ASPH: variants seen among roughly 807,000 people sequenced by gnomAD.
The protein encoded by ASPH is aspartyl/asparaginyl beta-hydroxylase.
Under a neutral mutation model 118.4 loss-of-function variants are expected in ASPH, and 100 were observed. That is an observed-to-expected ratio of 0.84 (90% CI 0.72 to 1.00). The LOEUF is 1.00. Ranked by LOEUF, ASPH falls within the 50% of genes least tolerant of loss-of-function variation. The pLI, the probability that ASPH is intolerant of heterozygous loss-of-function variation, is 0.00. For missense variants in ASPH, 920 were observed against 919.5 expected (o/e 1.00, Z -0.01); for synonymous variants, 315 against 325.6 (o/e 0.97, Z 0.35).
At chr8:61,672,383 A>G (rs1485947592) in intron 3 of ASPH, among the ~76,000 whole-genome samples, 3 of 152,186 alleles carry the variant, frequency 2.0e-5, no homozygotes, top group Admixed American at 6.5e-5. Flanking sequence ...GGTAAAATGC[A>G]GATTCAAATA....
intron 21 of ASPH, among the ~76,000 whole-genome samples, chr8:61,539,102 G>A (rs1041277481): frequency 1.2e-4 from 18 of 152,212 alleles, no homozygotes; most frequent in African/African-American, 4.1e-4. Flanking sequence ...TTAGCCAGGC[G>A]TGGTGGCAGG....
intron 3 of ASPH, chr8:61,661,967 CAA>C (rs1181536467): frequency 4.6e-6 from 2 of 430,768 alleles, no homozygotes; most frequent in Admixed American, 4.2e-5. Context: ...AAAAAAAATT[CAA>C]AAGAGTGGCT....
At chr8:61,709,384 T>C (rs1837526602) in intron 1 of ASPH, among the ~76,000 whole-genome samples, 1 of 152,120 alleles carries the variant, frequency 6.6e-6, no homozygotes, top group African/African-American at 2.4e-5. Context: ...ACTCCCACAG[T>C]GGTACACAGG....
intron 14 of ASPH, among the ~76,000 whole-genome samples, chr8:61,612,976 T>C (rs1356169223): frequency 1.3e-5 from 2 of 152,208 alleles, no homozygotes; most frequent in Non-Finnish European, 2.9e-5. Flanking sequence ...CACTATCAGA[T>C]GAAGGGGCAA....
In ASPH at chr8:61,582,905, A is replaced by G. The variant is rs1050839011; in HGVS notation, c.1062+1039T>C. On this transcript the variant is annotated intron_variant, in intron 15 of 24. Transcript: ENST00000379454. ...AATTTCCGCCAAAAACAAGGAGATG[A>G]TTAATTGAAGATATGATTAAATACA... is the stretch of plus-strand genomic sequence containing the variant. The G allele has an allele frequency of 8.5e-5, 13 of 152,336 alleles. No individual in the cohort carries two copies. The South Asian group carries it at 2.5e-3, about 29-fold the overall frequency. 9.4% of individuals were successfully genotyped at this position (152,336 alleles called of 1,614,324 possible). A position where few individuals can be genotyped will look rare whatever the true frequency, so the allele number is the denominator to read the frequency against.
intron 3 of ASPH, chr8:61,675,906 G>A: frequency 7.0e-7 from 1 of 1,426,678 alleles, no homozygotes; most frequent in Non-Finnish European, 9.1e-7. Flanking sequence ...AGCTGAGCGA[G>A]CAAGGGACTA....
chr8:61,603,278 C>T (rs1844646615), intron 14 of ASPH, among the ~76,000 whole-genome samples: 1 of 147,156 alleles, frequency 6.8e-6, no homozygotes, highest in South Asian at 2.2e-4. Flanking sequence ...ACTGAATAAT[C>T]AGTGTTTACA....
chr8:61,690,554 A>G (rs1832327643), intron 1 of ASPH, among the ~76,000 whole-genome samples: 1 of 152,162 alleles, frequency 6.6e-6, no homozygotes, highest in Non-Finnish European at 1.5e-5. Flanking sequence ...CTCTTCTGGG[A>G]AATAAAATCA....
chr8:61,677,861 T>G (rs1826126593), intron 3 of ASPH, among the ~76,000 whole-genome samples: 1 of 152,148 alleles, frequency 6.6e-6, no homozygotes, highest in Non-Finnish European at 1.5e-5. Flanking sequence ...AACTTTTCCA[T>G]CCTTCAGTAT....
intron 18 of ASPH, among the ~76,000 whole-genome samples, chr8:61,560,706 C>T (rs1829502558): frequency 6.6e-6 from 1 of 151,922 alleles, no homozygotes; most frequent in Admixed American, 6.6e-5. Flanking sequence ...AATGTATAAA[C>T]AACAGGTAAA....
intron 3 of ASPH, among the ~76,000 whole-genome samples, chr8:61,653,882 T>C (rs1812341195): frequency 6.6e-6 from 1 of 152,216 alleles, no homozygotes; most frequent in African/African-American, 2.4e-5. Flanking sequence ...CACTTCAAAT[T>C]AAAACAAAAT....
At chr8:61,618,464 T>C (rs1426668175) in intron 14 of ASPH, among the ~76,000 whole-genome samples, 1 of 152,336 alleles carries the variant, frequency 6.6e-6, no homozygotes, top group East Asian at 1.9e-4. Flanking sequence ...TTTGTTTGTA[T>C]ATCTTTCCAA....
intron 18 of ASPH, among the ~76,000 whole-genome samples, chr8:61,560,490 T>C (rs1224703613): frequency 1.6e-4 from 25 of 152,004 alleles, no homozygotes; most frequent in Admixed American, 1.6e-3. Flanking sequence ...CATAAACATA[T>C]CAAGAAAAAC....
chr8:61,603,877 C>T (rs775869179), intron 14 of ASPH, among the ~76,000 whole-genome samples: 5 of 152,126 alleles, frequency 3.3e-5, no homozygotes, highest in Non-Finnish European at 5.9e-5. Flanking sequence ...TAAGGAATGA[C>T]AGAACATTAG....
chr8:61,579,448 G>A, intron 15 of ASPH: 8 of 1,609,760 alleles, frequency 5.0e-6, no homozygotes, highest in Non-Finnish European at 6.8e-6. Flanking sequence ...CAGAACATGA[G>A]TATTCATACG....
chr8:61,677,295 T>C (rs1437187088), intron 3 of ASPH, among the ~76,000 whole-genome samples: 1 of 152,186 alleles, frequency 6.6e-6, no homozygotes, highest in Non-Finnish European at 1.5e-5. Flanking sequence ...CAAAGGTTTC[T>C]TAGCTCTAGT....
chr8:61,685,428 C>T (rs541962475), intron 1 of ASPH, among the ~76,000 whole-genome samples: 1 of 152,214 alleles, frequency 6.6e-6, no homozygotes, highest in South Asian at 2.1e-4. Flanking sequence ...TTGGGTAGAA[C>T]TAAGAACATA....
At chr8:61,709,185 T>C (rs1335426492) in intron 1 of ASPH, among the ~76,000 whole-genome samples, 1 of 152,046 alleles carries the variant, frequency 6.6e-6, no homozygotes, top group Non-Finnish European at 1.5e-5. Context: ...CAGCCAAAGG[T>C]AACCAAGACA....
At chr8:61,515,698 C>T (rs1422201151) in intron 24 of ASPH, among the ~76,000 whole-genome samples, 1 of 152,180 alleles carries the variant, frequency 6.6e-6, no homozygotes, top group Non-Finnish European at 1.5e-5. Flanking sequence ...ATTCATCTTC[C>T]TTTCCTTGAA....
Sources: allele counts gnomAD v4.1 joint callset (sites outside exome capture counted in the v4.1 genomes callset), GRCh38; gene constraint gnomAD v4.1.1; transcripts MANE v1.5; gene names NCBI Gene and HGNC (gene_info 2026-07-23, HGNC 2026-07-21).